NELL2: variants seen among roughly 807,000 people sequenced by gnomAD.
NELL2 encodes the protein neural EGFL like 2.
A neutral mutation model predicts 109.6 loss-of-function variants in NELL2; 41 were observed. That is an observed-to-expected ratio of 0.37 (90% CI 0.29 to 0.49). The LOEUF is 0.49. Ranked by LOEUF, NELL2 falls within the 20% of genes least tolerant of loss-of-function variation. The pLI is 0.98. For missense variants in NELL2, 900 were observed against 1,008.3 expected, an observed-to-expected ratio of 0.89 and a Z score of 1.45; for synonymous variants, 355 against 344.7, an observed-to-expected ratio of 1.03 and a Z score of -0.33.
chr12:44,588,826 C>A (rs964886005), intron 15 of NELL2, among the ~76,000 whole-genome samples: 16 of 152,224 alleles, frequency 1.1e-4, no homozygotes, highest in Non-Finnish European at 5.9e-5. Flanking sequence ...TCACCCTAAA[C>A]AGGAACTCTG....
chr12:44,541,897 A>G (rs1942590361), intron 15 of NELL2, among the ~76,000 whole-genome samples: 1 of 152,176 alleles, frequency 6.6e-6, no homozygotes, highest in African/African-American at 2.4e-5. Flanking sequence ...AAGTTTAAGT[A>G]TTTTTTTACA....
intron 2 of NELL2, among the ~76,000 whole-genome samples, chr12:44,829,868 G>A (rs552464564): frequency 1.9e-4 from 29 of 152,116 alleles, no homozygotes; most frequent in Non-Finnish European, 3.7e-4. Flanking sequence ...AAGTGCAAAA[G>A]AGAAATGTTT....
chr12:44,756,968 A>G (rs1440782082), intron 9 of NELL2, among the ~76,000 whole-genome samples: 1 of 152,104 alleles, frequency 6.6e-6, no homozygotes, highest in Non-Finnish European at 1.5e-5. Flanking sequence ...AAACTTCAAT[A>G]TTTCCTCTTA....
At chr12:44,851,150 A>G (rs1431601590) in intron 2 of NELL2, among the ~76,000 whole-genome samples, 1 of 152,152 alleles carries the variant, frequency 6.6e-6, no homozygotes, top group Non-Finnish European at 1.5e-5. Context: ...AGAACTCTAA[A>G]TAGTTATTGC....
chr12:44,807,088 G>GA (rs1274334388), intron 3 of NELL2, among the ~76,000 whole-genome samples: 1 of 150,874 alleles, frequency 6.6e-6, no homozygotes, highest in East Asian at 1.9e-4. Flanking sequence ...TTCAAAAAAA[G>GA]AAAAAAATCT....
chr12:44,761,898 G>A (rs929105561), intron 9 of NELL2, among the ~76,000 whole-genome samples: 12 of 152,106 alleles, frequency 7.9e-5, no homozygotes. Flanking sequence ...TAGAAGGGGC[G>A]TGAGGGTTGA....
At chr12:44,743,249 G>T (rs1940109225) in intron 9 of NELL2, among the ~76,000 whole-genome samples, 2 of 152,162 alleles carry the variant, frequency 1.3e-5, no homozygotes, top group African/African-American at 4.8e-5. Context: ...ACAAGCAAAT[G>T]CTGAGAGATT....
At chr12:44,579,054 T>C (rs989856244) in intron 15 of NELL2, among the ~76,000 whole-genome samples, 1 of 152,180 alleles carries the variant, frequency 6.6e-6, no homozygotes, top group African/African-American at 2.4e-5. Context: ...TGATATGTCC[T>C]TTTCATTTTT....
chr12:44,611,739 G>T (rs1201769699), intron 13 of NELL2, among the ~76,000 whole-genome samples: 2 of 152,030 alleles, frequency 1.3e-5, no homozygotes, highest in Non-Finnish European at 2.9e-5. Context: ...GGCTCAGAGT[G>T]TTTAAGTAGC....
At chr12:44,640,957 G>GA (rs1159274257) in intron 13 of NELL2, among the ~76,000 whole-genome samples, 2 of 152,090 alleles carry the variant, frequency 1.3e-5, no homozygotes, top group Admixed American at 1.3e-4. Flanking sequence ...TTATAAAGGG[G>GA]AAAAAACTGC....
At chr12:44,621,539 G>A (rs926783292) in intron 13 of NELL2, among the ~76,000 whole-genome samples, 8 of 151,680 alleles carry the variant, frequency 5.3e-5, no homozygotes, top group Admixed American at 2.6e-4. Context: ...TAAGTATTTC[G>A]GCAGCAAAAA....
intron 2 of NELL2, among the ~76,000 whole-genome samples, chr12:44,834,431 G>T (rs1052342194): frequency 3.8e-5 from 5 of 131,820 alleles, no homozygotes; most frequent in African/African-American, 1.5e-4. Flanking sequence ...ACAGACACAC[G>T]CATTCTTTTT....
At chr12:44,689,634 T>C (rs569353903) in intron 12 of NELL2, among the ~76,000 whole-genome samples, 1 of 152,346 alleles carries the variant, frequency 6.6e-6, no homozygotes, top group African/African-American at 2.4e-5. Context: ...CATACTCACA[T>C]ACAACCATGC....
intron 5 of NELL2, among the ~76,000 whole-genome samples, chr12:44,779,346 G>A (rs947957170): frequency 6.6e-6 from 1 of 152,110 alleles, no homozygotes; most frequent in Admixed American, 6.5e-5. Context: ...ATATTTCAGT[G>A]GTGGAGAGTT....
At chr12:44,587,284 A>AAAAAAAAAAAAAATAT in intron 15 of NELL2, among the ~76,000 whole-genome samples, 4 of 72,204 alleles carry the variant, frequency 5.5e-5, no homozygotes, top group Non-Finnish European at 8.1e-5. Context: ...AAAAAAAAAA[A>AAAAAAAAAAAAAATAT]ATATATATAT....
intron 9 of NELL2, among the ~76,000 whole-genome samples, chr12:44,756,358 G>T (rs575724592): frequency 6.6e-6 from 1 of 151,474 alleles, no homozygotes; most frequent in Non-Finnish European, 1.5e-5. Context: ...TAGTGAATAC[G>T]TGCCATCAGC....
chr12:44,657,130 T>C (rs1047836583), intron 13 of NELL2, among the ~76,000 whole-genome samples: 9 of 152,200 alleles, frequency 5.9e-5, no homozygotes, highest in Non-Finnish European at 1.3e-4. Flanking sequence ...CCAAAAATAG[T>C]ATCCAAGACT....
In NELL2 at chr12:44,774,847, A is replaced by G; in HGVS notation, c.894T>C (p.Asn298=). The G allele has an allele frequency of 6.2e-7, 1 of 1,605,234 alleles. No homozygotes were observed. Among genetic ancestry groups the G allele is most frequent in the Non-Finnish European group, 8.5e-7 (1 of 1,175,212 alleles). Residue 298 remains asparagine (N), a splice_region_variant and synonymous_variant, in exon 9 of 20, where the codon AAT becomes AAC. Transcript: ENST00000429094. The part of the protein sequence containing the change: ...IDGCKNCTCL[N]GTIQCETLIC... ...TTAGAGTTTCACACTGGATGGTTCC[A>G]TTCTGAAAAGGAAACAATATTTAAA... is the stretch of plus-strand genomic sequence containing the variant.
At chr12:44,554,936 G>T (rs1943187975) in intron 15 of NELL2, among the ~76,000 whole-genome samples, 1 of 152,300 alleles carries the variant, frequency 6.6e-6, no homozygotes, top group East Asian at 1.9e-4. Context: ...TTAATAAAAA[G>T]AAATTTCACA....
Sources: allele counts gnomAD v4.1 joint callset (sites outside exome capture counted in the v4.1 genomes callset), GRCh38; gene constraint gnomAD v4.1.1; transcripts MANE v1.5; gene names NCBI Gene and HGNC (gene_info 2026-07-23, HGNC 2026-07-21).